Variants in FRMD6 observed in about 807,000 individuals in gnomAD.
The protein encoded by FRMD6 is FERM domain containing 6.
FRMD6 carries 37 observed loss-of-function variants against 73.2 expected under a neutral mutation model. That is an observed-to-expected ratio of 0.51 (90% CI 0.39 to 0.66). The LOEUF (loss-of-function observed/expected upper bound fraction) is 0.66. Ranked by LOEUF, FRMD6 falls within the 30% of genes least tolerant of loss-of-function variation. The pLI is 0.00. For synonymous variants in FRMD6, 273 were observed against 282.2 expected (o/e 0.97, Z 0.33); for missense variants, 714 against 780.5 (o/e 0.91, Z 1.02).
chr14:51,662,948 A>C (rs551903463), intron 1 of FRMD6, among the ~76,000 whole-genome samples: 17 of 152,196 alleles, frequency 1.1e-4, no homozygotes, highest in Non-Finnish European at 2.2e-4. Context: ...AAAATCCATT[A>C]AAATGTGGGC....
At chr14:51,672,114 A>C (rs892885224) in intron 1 of FRMD6, among the ~76,000 whole-genome samples, 3 of 152,214 alleles carry the variant, frequency 2.0e-5, no homozygotes, top group Non-Finnish European at 4.4e-5. Context: ...CCTGAAGACA[A>C]AGCACTTTCA....
chr14:51,645,736 C>T (rs1054315058), intron 2 of FRMD6, among the ~76,000 whole-genome samples: 2 of 152,118 alleles, frequency 1.3e-5, no homozygotes, highest in Non-Finnish European at 2.9e-5. Flanking sequence ...AGGCAGGAGC[C>T]ACCACATTTG....
At chr14:51,644,668 T>C (rs1359135198) in intron 2 of FRMD6, among the ~76,000 whole-genome samples, 1 of 152,228 alleles carries the variant, frequency 6.6e-6, no homozygotes, top group Non-Finnish European at 1.5e-5. Flanking sequence ...AAAACTATCA[T>C]ATATTAATGT....
the FRMD6 span, among the ~76,000 whole-genome samples, chr14:51,468,987 C>T: frequency 5.8e-4 from 88 of 152,240 alleles, no homozygotes; most frequent in African/African-American, 2.0e-3. Flanking sequence ...GTTGCCCAGG[C>T]TGGAGTGCAG....
intron 1 of FRMD6, among the ~76,000 whole-genome samples, chr14:51,664,808 T>C (rs1435563438): frequency 6.6e-6 from 1 of 152,248 alleles, no homozygotes; most frequent in African/African-American, 2.4e-5. Flanking sequence ...AATGTTTTTT[T>C]CAGCTGAAAC....
chr14:51,585,282 A>G (rs1888962029), intron 2 of FRMD6, among the ~76,000 whole-genome samples: 1 of 152,110 alleles, frequency 6.6e-6, no homozygotes, highest in African/African-American at 2.4e-5. Flanking sequence ...CCAGTAAACC[A>G]TCTTTCACCT....
At chr14:51,490,951 T>A (rs1033972531) in intron 1 of FRMD6, among the ~76,000 whole-genome samples, 1 of 152,174 alleles carries the variant, frequency 6.6e-6, no homozygotes, top group Admixed American at 6.5e-5. Context: ...GATCCCTGAG[T>A]TCCCTGGGCA....
chr14:51,500,656 G>T (rs1288039562), intron 1 of FRMD6, among the ~76,000 whole-genome samples: 1 of 152,192 alleles, frequency 6.6e-6, no homozygotes, highest in Non-Finnish European at 1.5e-5. Flanking sequence ...GACACAGAAA[G>T]ACCTGAATCA....
At chr14:51,405,335 C>T in the FRMD6 span, among the ~76,000 whole-genome samples, 13,311 of 152,090 alleles carry the variant, frequency 0.088, 762 homozygotes, top group Non-Finnish European at 0.13. Context: ...GTTTTTTGCC[C>T]TTTAAGGAAT....
chr14:51,626,760 C>CAG (rs1379623011), intron 2 of FRMD6, among the ~76,000 whole-genome samples: 3 of 152,174 alleles, frequency 2.0e-5, no homozygotes, highest in Non-Finnish European at 1.5e-5. Flanking sequence ...CCACTTTGAA[C>CAG]AGAGACCTCT....
intron 1 of FRMD6, among the ~76,000 whole-genome samples, chr14:51,509,339 C>T (rs572693127): frequency 3.9e-5 from 6 of 152,008 alleles, no homozygotes; most frequent in Non-Finnish European, 8.8e-5. Context: ...CTGCCTAACA[C>T]GGTGAAACCC....
At chr14:51,399,024 C>G in the FRMD6 span, among the ~76,000 whole-genome samples, 87 of 152,288 alleles carry the variant, frequency 5.7e-4, no homozygotes, top group East Asian at 0.014. Flanking sequence ...GTCCCCACCC[C>G]ACATCGGCAC....
chr14:51,421,214 G>A, the FRMD6 span, among the ~76,000 whole-genome samples: 2 of 152,180 alleles, frequency 1.3e-5, no homozygotes, highest in African/African-American at 2.4e-5. Context: ...TTAGGAGACA[G>A]CACTTAAGCA....
intron 2 of FRMD6, among the ~76,000 whole-genome samples, chr14:51,625,051 C>T (rs550707727): frequency 2.6e-5 from 4 of 152,308 alleles, no homozygotes; most frequent in Non-Finnish European, 5.9e-5. Context: ...CACTCTGTTT[C>T]CTATTATGCT....
At chr14:51,711,749 T>C (rs1006897021) in intron 8 of FRMD6, among the ~76,000 whole-genome samples, 153 bp downstream of exon 8, 2 of 152,176 alleles carry the variant, frequency 1.3e-5, no homozygotes, top group African/African-American at 4.8e-5. Flanking sequence ...TGATGTAGGA[T>C]GGATGAAGTG....
chr14:51,622,867 G>A (rs1020126177), intron 2 of FRMD6, among the ~76,000 whole-genome samples: 1 of 152,190 alleles, frequency 6.6e-6, no homozygotes, highest in Non-Finnish European at 1.5e-5. Flanking sequence ...CAGGACTCAA[G>A]CGATCGTCCC....
intron 1 of FRMD6, among the ~76,000 whole-genome samples, chr14:51,670,938 T>G (rs1893963909): frequency 6.6e-6 from 1 of 152,238 alleles, no homozygotes; most frequent in African/African-American, 2.4e-5. Context: ...TGGGCCACCG[T>G]GCCCGGCGGT....
intron 1 of FRMD6, among the ~76,000 whole-genome samples, chr14:51,496,445 C>T (rs539438913): frequency 2.4e-4 from 36 of 152,302 alleles, no homozygotes; most frequent in African/African-American, 6.3e-4. Context: ...TTTAAAAGGG[C>T]GTCACTCCCA....
chr14:51,479,291 G>A, the FRMD6 span, among the ~76,000 whole-genome samples: 1 of 152,160 alleles, frequency 6.6e-6, no homozygotes, highest in Non-Finnish European at 1.5e-5. Flanking sequence ...GTACAAACAT[G>A]TTCACTCTTA....
Sources: gnomAD v4.1 joint callset for allele counts (sites outside exome capture counted in the v4.1 genomes callset) on GRCh38, gnomAD v4.1.1 for gene constraint, MANE v1.5 for transcripts, NCBI Gene and HGNC (gene_info 2026-07-23, HGNC 2026-07-21) for gene names.